The following KCNMB2 variants were observed in gnomAD, a reference collection of about 807,000 sequenced individuals.
KCNMB2 encodes potassium calcium-activated channel subfamily M regulatory beta subunit 2.
In KCNMB2, 9 loss-of-function variants were observed where a neutral mutation model predicts 24.5. The ratio of observed to expected loss-of-function variants is 0.37; its 90% CI spans 0.22 to 0.64. The LOEUF (loss-of-function observed/expected upper bound fraction) is 0.64, where lower values mean the gene tolerates loss of function less well. Among genes scored for constraint, KCNMB2 ranks in the 30% least tolerant of loss-of-function variants. The pLI, the probability that KCNMB2 is intolerant of heterozygous loss-of-function variation, is 0.63. For missense variants in KCNMB2, 226 were observed against 284.3 expected (o/e 0.79, Z 1.47); for synonymous variants, 109 against 104.4 (o/e 1.04, Z -0.27).
At chr3:178,597,016 C>T (rs1322923166) in intron 1 of KCNMB2, among the ~76,000 whole-genome samples, 1 of 152,116 alleles carries the variant, frequency 6.6e-6, no homozygotes, top group African/African-American at 2.4e-5. Context: ...TGAGGTTCAG[C>T]CTTCACAGGT....
chr3:178,578,657 G>A (rs1717084253), intron 1 of KCNMB2, among the ~76,000 whole-genome samples: 1 of 152,080 alleles, frequency 6.6e-6, no homozygotes, highest in South Asian at 2.1e-4. Flanking sequence ...GACACACAAA[G>A]GCTCAAAATA....
At chr3:178,690,251 T>G (rs1476698638) in intron 1 of KCNMB2, among the ~76,000 whole-genome samples, 1 of 152,168 alleles carries the variant, frequency 6.6e-6, no homozygotes, top group Non-Finnish European at 1.5e-5. Flanking sequence ...CTTACTATTA[T>G]GAATGTATGT....
intron 4 of KCNMB2, among the ~76,000 whole-genome samples, chr3:178,841,912 T>C (rs1043641062): frequency 2.0e-5 from 3 of 152,102 alleles, no homozygotes; most frequent in African/African-American, 7.2e-5. Context: ...AAAAGAAAGG[T>C]AGCATAAGTT....
At chr3:178,666,913 C>G (rs1314285779) in intron 1 of KCNMB2, among the ~76,000 whole-genome samples, 2 of 152,140 alleles carry the variant, frequency 1.3e-5, no homozygotes, top group African/African-American at 4.8e-5. Context: ...TTCAGATGTT[C>G]AAGTTCCTTA....
intron 1 of KCNMB2, among the ~76,000 whole-genome samples, chr3:178,606,615 A>G (rs894742485): frequency 1.2e-4 from 19 of 152,014 alleles, no homozygotes; most frequent in African/African-American, 4.6e-4. Context: ...AGTCTCACCC[A>G]TCTCTGGGGC....
At chr3:178,815,229 C>A (rs529328629) in intron 2 of KCNMB2, among the ~76,000 whole-genome samples, 2 of 152,154 alleles carry the variant, frequency 1.3e-5, no homozygotes, top group Admixed American at 1.3e-4. Flanking sequence ...GCCTTGAAAT[C>A]CTGGGCTCAA....
At chr3:178,633,372 G>A (rs1467642712) in intron 1 of KCNMB2, among the ~76,000 whole-genome samples, 5 of 152,186 alleles carry the variant, frequency 3.3e-5, no homozygotes, top group African/African-American at 1.2e-4. Context: ...GGACATACAG[G>A]CATTCCTATA....
Position 178,619,312 on chromosome 3 carries a change from G to T in KCNMB2, c.-68+82601G>T, listed in dbSNP as rs536404363. On this transcript the variant is annotated intron_variant, in intron 1 of 4. Coordinates refer to ENST00000452583, the MANE Select transcript of KCNMB2 (RefSeq NM_181361.3). ...AAATGTCAGAAGTCACATGGAAATT[G>T]AACTTTAGAGACTAGAAGTGTCTCA... Among the ~76,000 whole-genome samples the T allele has an allele frequency of 1.2e-4, 19 of 152,248 alleles. No homozygotes were observed. The South Asian group carries it at 3.5e-3, about 28-fold the overall frequency.
chr3:178,687,746 T>C (rs1432238409), intron 1 of KCNMB2, among the ~76,000 whole-genome samples: 2 of 152,192 alleles, frequency 1.3e-5, no homozygotes, highest in African/African-American at 4.8e-5. Context: ...ACACTTTTAG[T>C]ACTTTCATTA....
At chr3:178,712,356 T>A (rs1257354323) in intron 1 of KCNMB2, among the ~76,000 whole-genome samples, 1 of 152,224 alleles carries the variant, frequency 6.6e-6, no homozygotes, top group Non-Finnish European at 1.5e-5. Flanking sequence ...TCATACTGCA[T>A]ACAGTCTAGT....
intron 1 of KCNMB2, among the ~76,000 whole-genome samples, chr3:178,706,699 C>A (rs1054333799): frequency 2.0e-5 from 3 of 152,134 alleles, no homozygotes; most frequent in African/African-American, 4.8e-5. Context: ...AGACTCTACC[C>A]AACTCTAATA....
chr3:178,624,219 C>G (rs1257111453), intron 1 of KCNMB2, among the ~76,000 whole-genome samples: 1 of 147,618 alleles, frequency 6.8e-6, no homozygotes, highest in African/African-American at 2.5e-5. Context: ...AATAACAAAA[C>G]AAACAAAAAA....
chr3:178,717,344 G>T (rs879366824), intron 1 of KCNMB2, among the ~76,000 whole-genome samples: 6 of 151,934 alleles, frequency 3.9e-5, no homozygotes, highest in Admixed American at 3.3e-4. Context: ...CCTGCCCAGG[G>T]CTTCACATTC....
At chr3:178,573,521 C>G (rs1716880090) in intron 1 of KCNMB2, among the ~76,000 whole-genome samples, 1 of 150,944 alleles carries the variant, frequency 6.6e-6, no homozygotes, top group African/African-American at 2.4e-5. Flanking sequence ...AGGAGGATTG[C>G]TTGAGCTCAG....
intron 1 of KCNMB2, among the ~76,000 whole-genome samples, chr3:178,769,853 A>C (rs1350494683): frequency 6.6e-6 from 1 of 152,250 alleles, no homozygotes; most frequent in Admixed American, 6.5e-5. Context: ...TGGATGCCAG[A>C]ATATGCAAAT....
chr3:178,831,618 G>A (rs1346481132), intron 4 of KCNMB2, among the ~76,000 whole-genome samples: 1 of 152,124 alleles, frequency 6.6e-6, no homozygotes, highest in Non-Finnish European at 1.5e-5. Context: ...TGGAGCTGGA[G>A]GTCATCATGC....
At chr3:178,737,587 A>T (rs1376542344) in intron 1 of KCNMB2, among the ~76,000 whole-genome samples, 3 of 152,230 alleles carry the variant, frequency 2.0e-5, no homozygotes, top group Non-Finnish European at 4.4e-5. Flanking sequence ...TTTGCTAAAT[A>T]ATTTCCAAGT....
intron 1 of KCNMB2, among the ~76,000 whole-genome samples, chr3:178,602,802 A>G (rs562475989): frequency 3.9e-5 from 6 of 152,302 alleles, no homozygotes; most frequent in African/African-American, 1.4e-4. Flanking sequence ...TAGGACAGAC[A>G]GCTGAGCCTA....
chr3:178,827,334 G>A (rs770280432), intron 3 of KCNMB2, among the ~76,000 whole-genome samples: 27 of 152,082 alleles, frequency 1.8e-4, no homozygotes, highest in Admixed American at 3.9e-4. Context: ...TGCATAAAAG[G>A]GTTTCTTTTC....
Sources: gnomAD v4.1 joint callset for allele counts (sites outside exome capture counted in the v4.1 genomes callset) on GRCh38, gnomAD v4.1.1 for gene constraint, MANE v1.5 for transcripts, NCBI Gene and HGNC (gene_info 2026-07-23, HGNC 2026-07-21) for gene names.